The following CCDC34 variants were observed in gnomAD, a reference collection of about 807,000 sequenced individuals.
CCDC34 encodes coiled-coil domain-containing protein 34.
In CCDC34, 40 loss-of-function variants were observed where a neutral mutation model predicts 44.1. The observed-to-expected ratio is 0.91, with a 90% CI of 0.70 to 1.18. The LOEUF is 1.18. Ranked by LOEUF, CCDC34 falls within the 50% of genes most tolerant of loss-of-function variation. The probability of loss-of-function intolerance (pLI) is 0.00; values close to 1 mark genes in which losing one functional copy is unlikely to be tolerated. For synonymous variants in CCDC34, 159 were observed against 158.2 expected, an observed-to-expected ratio of 1.01 and a Z score of -0.04; for missense variants, 466 against 452.3, an observed-to-expected ratio of 1.03 and a Z score of -0.28.
At chr11:27,355,909 G>GT (rs1272453573) in intron 2 of CCDC34, among the ~76,000 whole-genome samples, 3 of 150,878 alleles carry the variant, frequency 2.0e-5, no homozygotes, top group Non-Finnish European at 4.4e-5. Flanking sequence ...TCTGGGACAT[G>GT]TGACTGCTTG....
intron 2 of CCDC34, among the ~76,000 whole-genome samples, chr11:27,353,390 A>G (rs1862530999): frequency 6.6e-6 from 1 of 151,740 alleles, no homozygotes; most frequent in South Asian, 2.1e-4. Flanking sequence ...ACTGATTATA[A>G]TATTAAAGCA....
chr11:27,341,506 TTCC>T lies in CCDC34; in HGVS notation c.648_650del (p.Glu217del), dbSNP rs1862358426. On this transcript the variant is annotated inframe_deletion, in exon 4 of 6. Coordinates refer to ENST00000328697, the MANE Select transcript of CCDC34 (RefSeq NM_030771.2). ...CTTTCTCCAGTTCCTTTGCTGCTTT[TTCC>T]TCCATTTCTTTATTAATTTTTTGTT... 3 of 1,382,730 alleles carry T rather than the reference TTCC, an allele frequency of 2.2e-6. No homozygotes were observed. 85.7% of individuals were successfully genotyped at this position (1,382,730 alleles called of 1,614,324 possible). A position where few individuals can be genotyped will look rare whatever the true frequency, so the allele number is the denominator to read the frequency against.
chr11:27,359,664 C>T (rs1439000583), intron 1 of CCDC34, among the ~76,000 whole-genome samples: 3 of 152,062 alleles, frequency 2.0e-5, no homozygotes, highest in Non-Finnish European at 2.9e-5. Context: ...AAGCTATGTA[C>T]ATTTTTTAAA....
intron 5 of CCDC34, among the ~76,000 whole-genome samples, chr11:27,339,743 A>G (rs1037947817): frequency 7.9e-5 from 12 of 152,258 alleles, no homozygotes; most frequent in African/African-American, 2.7e-4. Flanking sequence ...AAACTTAAGT[A>G]CAGCATTTGC....
chr11:27,345,845 C>T (rs1391122712), intron 3 of CCDC34, among the ~76,000 whole-genome samples: 1 of 152,070 alleles, frequency 6.6e-6, no homozygotes, highest in Non-Finnish European at 1.5e-5. Flanking sequence ...GTTCTAGATC[C>T]CTGAGGAATT....
chr11:27,357,090 C>T (rs1280513926), intron 2 of CCDC34, among the ~76,000 whole-genome samples: 3 of 151,936 alleles, frequency 2.0e-5, no homozygotes, highest in Non-Finnish European at 2.9e-5. Flanking sequence ...TACATTTGTA[C>T]GTATTTCAAA....
intron 2 of CCDC34, among the ~76,000 whole-genome samples, chr11:27,356,067 G>A (rs1013215556): frequency 3.1e-5 from 4 of 127,910 alleles, no homozygotes; most frequent in Non-Finnish European, 6.2e-5. Context: ...TGGCCAGGCT[G>A]GAGTACAATG....
rs565279145 is a variant in CCDC34, at chr11:27,338,922, T to C, written c.1021A>G (p.Lys341Glu). 26 of 1,613,894 alleles carry C rather than the reference T, an allele frequency of 1.6e-5. No homozygotes were observed. In the East Asian group the frequency reaches 2.0e-4, roughly 12 times the overall value. The change falls in exon 6 of 6, where the codon AAA becomes GAA. Residue 341 changes from lysine to glutamate, a missense_variant. Physicochemically the swap from Lys to Glu is moderately conservative, Grantham distance 56. Transcript: ENST00000328697. ...EAKDLSGRKS[K>E]RPVISQPHKS... ...TGTGGCTGACTTATCACAGGTCTTT[T>C]ACTCTTCCTTCCTGATAGATCCTTA...
At chr11:27,344,153 A>G (rs1346893855) in intron 3 of CCDC34, among the ~76,000 whole-genome samples, 2 of 152,154 alleles carry the variant, frequency 1.3e-5, no homozygotes, top group Non-Finnish European at 2.9e-5. Context: ...TTATTGTGGC[A>G]TATCTTAATA....
intron 3 of CCDC34, among the ~76,000 whole-genome samples, chr11:27,346,905 A>G (rs1309288064): frequency 6.6e-6 from 1 of 152,218 alleles, no homozygotes; most frequent in East Asian, 1.9e-4. Context: ...CCAGGGATAT[A>G]TGTGAACAGA....
At chr11:27,350,169 A>C (rs1862486546) in intron 3 of CCDC34, 163 bp downstream of exon 3, 1 of 1,527,522 alleles carries the variant, frequency 6.5e-7, no homozygotes, top group African/African-American at 1.4e-5. Flanking sequence ...AAAGGGCAGA[A>C]GATAGAGACT....
chr11:27,349,855 T>C, intron 3 of CCDC34: 1 of 981,794 alleles, frequency 1.0e-6, no homozygotes, highest in Non-Finnish European at 1.2e-6. Context: ...AGTTGAAAGA[T>C]ATAATGGAAA....
At chr11:27,348,437 C>A (rs1029827805) in intron 3 of CCDC34, among the ~76,000 whole-genome samples, 4 of 152,122 alleles carry the variant, frequency 2.6e-5, no homozygotes, top group African/African-American at 9.6e-5. Context: ...ATAAACACAT[C>A]CAGAAAATAA....
At chr11:27,349,447 C>T (rs1286663155) in intron 3 of CCDC34, 1 of 821,102 alleles carries the variant, frequency 1.2e-6, no homozygotes, top group African/African-American at 1.9e-5. Context: ...ACTTAGTACT[C>T]TTATTAATAC....
chr11:27,350,768 C>G (rs1223347015), intron 2 of CCDC34, among the ~76,000 whole-genome samples: 1 of 152,128 alleles, frequency 6.6e-6, no homozygotes, highest in South Asian at 2.1e-4. Flanking sequence ...CTGGCAGAAG[C>G]TCAAGAGAAT....
At position 27,363,070 on chromosome 11, in the gene CCDC34, C is replaced by T. The variant is rs776074272; in HGVS notation, c.125G>A (p.Gly42Glu). The T allele has an allele frequency of 6.2e-7, 1 of 1,612,348 alleles. No homozygotes were observed. The highest frequency in any genetic ancestry group is 8.5e-7 in the Non-Finnish European group (1 of 1,179,200). The change falls in exon 1 of 6, where the codon GGG (glycine) becomes GAG (glutamate). Residue 42 changes from glycine (G) to glutamate (E), a missense_variant. Coordinates refer to ENST00000328697, the MANE Select transcript of CCDC34 (RefSeq NM_030771.2). Reference protein sequence around the residue: ...SCSVPMTGARGQGLEVVRSPS... With the variant: ...SCSVPMTGAREQGLEVVRSPS... ...CGAGCGCACCACCTCCAGCCCCTGCCCACGTGCGCCCGTCATAGGGACTGA... is the reference window on the plus strand; with the variant it reads ...CGAGCGCACCACCTCCAGCCCCTGCTCACGTGCGCCCGTCATAGGGACTGA...
intron 1 of CCDC34, among the ~76,000 whole-genome samples, chr11:27,361,252 C>T (rs933355702): frequency 3.9e-5 from 6 of 152,308 alleles, no homozygotes; most frequent in Admixed American, 2.0e-4. Flanking sequence ...ATAAGTGAGA[C>T]GTACATACGT....
At position 27,357,331 on chromosome 11, in the gene CCDC34, A is replaced by G. The variant is rs147569475; in HGVS notation, c.498+72T>C. On this transcript the variant is annotated intron_variant, in intron 2 of 5. Transcript: ENST00000328697. ...TGTTTTCAGGAATAATAACATTAAC[A>G]TTTTAATTTACAACTGCAGCTCTAC... is the stretch of plus-strand genomic sequence containing the variant. 2.9e-5 allele frequency: 42 copies of G among 1,450,772 alleles called. No individual in the cohort carries two copies. The African/African-American group carries it at 5.1e-4, about 18-fold the overall frequency. 89.9% of individuals were successfully genotyped at this position (1,450,772 alleles called of 1,614,324 possible).
At chr11:27,358,958 A>G (rs1477443303) in intron 1 of CCDC34, among the ~76,000 whole-genome samples, 2 of 88,234 alleles carry the variant, frequency 2.3e-5, no homozygotes, top group African/African-American at 8.3e-5. Flanking sequence ...CAACATGTGG[A>G]CCCCCCCCCC....
Sources: gnomAD v4.1 joint callset for allele counts (sites outside exome capture counted in the v4.1 genomes callset) on GRCh38, gnomAD v4.1.1 for gene constraint, MANE v1.5 for transcripts, NCBI Gene and HGNC (gene_info 2026-07-23, HGNC 2026-07-21) for gene names.